KAT8: variants seen among roughly 807,000 people sequenced by gnomAD.
KAT8 encodes the protein lysine acetyltransferase 8, also known as histone acetyltransferase KAT8.
Under a neutral mutation model 62.9 loss-of-function variants are expected in KAT8, and 40 were observed. That is an observed-to-expected ratio of 0.64 (90% confidence interval 0.49 to 0.83). The LOEUF is 0.83. KAT8 is among the 40% of genes least tolerant of loss of function. KAT8 has a pLI of 0.00. For missense variants in KAT8, 387 were observed against 614.8 expected (o/e 0.63, Z 3.92); for synonymous variants, 278 against 254.5 (o/e 1.09, Z -0.88).
chr16:31,130,177 G>A lies in KAT8; in HGVS notation c.912+20G>A, dbSNP rs1003389659. 8.1e-6 allele frequency: 13 copies of A among 1,611,332 alleles called. No individual in the cohort carries two copies. Among genetic ancestry groups the A allele is most frequent in the Non-Finnish European group, 1.1e-5 (13 of 1,177,968 alleles). ...TCCAAGGTGCTGGGTCTGGAAACTCGGGGTGGGGAGGGTGGGGAGGGCGAA... is the reference window on the plus strand; with the variant it reads ...TCCAAGGTGCTGGGTCTGGAAACTCAGGGTGGGGAGGGTGGGGAGGGCGAA... On this transcript the variant is annotated intron_variant, in intron 7 of 10. Coordinates refer to ENST00000219797, the MANE Select transcript of KAT8 (RefSeq NM_032188.3).
At position 31,131,224 on chromosome 16, in the gene KAT8, C is replaced by G. The variant is rs370110915; in HGVS notation, c.1342C>G (p.Pro448Ala). 1.2e-4 allele frequency: 190 copies of G among 1,614,022 alleles called. No individual in the cohort carries two copies. Among genetic ancestry groups the G allele is most frequent in the Non-Finnish European group, 1.6e-4 (185 of 1,180,002 alleles). The change falls in exon 11 of 11, where the codon CCC becomes GCC. Residue 448 changes from proline to alanine, a missense_variant. Pro to Ala is a conservative substitution (Grantham distance 27). Around this residue, in one of 6 missense-constraint regions of KAT8, gnomAD observed 75 missense variants for 105.7 expected, o/e 0.71. Transcript: ENST00000219797. The stretch of plus-strand genomic sequence containing the variant: ...CTCCGTCTGCCTCAAGTGGGCACCC[C>G]CCAAGCACAAGCAAGTCAAGCTCTC... ...VDSVCLKWAP[P>A]KHKQVKLSKK
At chr16:31,118,524 C>A (rs1368701884) in intron 1 of KAT8, 1 of 152,274 alleles carries the variant, frequency 6.6e-6, no homozygotes, top group Non-Finnish European at 1.5e-5. Flanking sequence ...TCCTACTCAT[C>A]CTCTTAGCTT....
At chr16:31,127,122 C>T (rs2057537325) in intron 4 of KAT8, 34 bp downstream of exon 4, 1 of 1,614,000 alleles carries the variant, frequency 6.2e-7, no homozygotes, top group East Asian at 2.2e-5. Context: ...TGCAGGTCCC[C>T]CGTCTCCCCT....
chr16:31,120,618 T>G, intron 3 of KAT8, 104 bp downstream of exon 3: 1 of 1,078,074 alleles, frequency 9.3e-7, no homozygotes, highest in Non-Finnish European at 1.3e-6. Context: ...ATCCCATTTC[T>G]TAAGCTCCTG....
At chr16:31,127,421 T>G in intron 5 of KAT8, 68 bp downstream of exon 5, 1 of 1,544,976 alleles carries the variant, frequency 6.5e-7, no homozygotes, top group Admixed American at 1.7e-5. Flanking sequence ...GCATGGAGAC[T>G]GAGGGCGGCT....
chr16:31,128,505 A>T (rs2143989681), intron 6 of KAT8, among the ~76,000 whole-genome samples: 1 of 152,064 alleles, frequency 6.6e-6, no homozygotes, highest in Middle Eastern at 3.4e-3. Flanking sequence ...AGATTGTGCC[A>T]CTGTACTCCA....
chr16:31,117,703 G>T lies in KAT8; in HGVS notation c.22G>T (p.Ala8Ser). MAAQGAA[A>S]AVAAGTSGVA... ...CGCGATGGCGGCACAGGGAGCTGCT[G>T]CGGCGGTTGCGGCGGGGACTTCAGG... Residue 8 changes from alanine to serine, a missense_variant, in exon 1 of 11, where the codon GCG becomes TCG. Physicochemically the swap from Ala to Ser is moderately conservative, Grantham distance 99 (BLOSUM62 1). This residue lies in a region of KAT8 where 92 missense variants were observed against 78.8 expected (regional missense o/e 1.17). Coordinates refer to ENST00000219797, the MANE Select transcript of KAT8 (RefSeq NM_032188.3). 1 of 1,398,608 alleles carries T rather than the reference G, an allele frequency of 7.1e-7. No individual in the cohort carries two copies. The highest frequency in any genetic ancestry group is 9.3e-7 in the Non-Finnish European group (1 of 1,071,528). 86.6% of individuals were successfully genotyped at this position (1,398,608 alleles called of 1,614,324 possible).
chr16:31,122,704 C>T (rs560518150), intron 3 of KAT8: 6 of 151,472 alleles, frequency 4.0e-5, no homozygotes, highest in African/African-American at 1.2e-4. Flanking sequence ...ATGGTGAAAC[C>T]CCATCTCTAC....
chr16:31,126,889 C>T (rs1305554332), intron 3 of KAT8, 146 bp from the exon 4 acceptor site: 1 of 810,968 alleles, frequency 1.2e-6, no homozygotes, highest in Non-Finnish European at 2.0e-6. Flanking sequence ...AGAACCAAGT[C>T]AGATAGGTTA....
chr16:31,129,454 G>A (rs1210825195), intron 6 of KAT8, among the ~76,000 whole-genome samples: 6 of 152,174 alleles, frequency 3.9e-5, no homozygotes, highest in Non-Finnish European at 8.8e-5. Context: ...TGCTGGGCTC[G>A]CACAGCTGCC....
At chr16:31,126,219 A>G (rs966597211) in intron 3 of KAT8, 6 of 152,332 alleles carry the variant, frequency 3.9e-5, no homozygotes, top group Admixed American at 2.0e-4. Context: ...AGAAGCATGA[A>G]GGCCGCTAAA....
chr16:31,125,669 G>A (rs1194393169), intron 3 of KAT8: 3 of 151,868 alleles, frequency 2.0e-5, no homozygotes, highest in Non-Finnish European at 4.4e-5. Context: ...ATTAAATGAG[G>A]CCATATAAAC....
intron 6 of KAT8, 66 bp from the exon 7 acceptor site, chr16:31,129,951 G>C (rs970019813): frequency 6.3e-7 from 1 of 1,578,414 alleles, no homozygotes. Context: ...GGTGCCGGCC[G>C]CTGGAACCAG....
chr16:31,131,083 C>G, intron 10 of KAT8, 112 bp from the exon 11 acceptor site: 4 of 1,531,394 alleles, frequency 2.6e-6, no homozygotes, highest in Non-Finnish European at 2.6e-6. Context: ...ACAGCCTGCC[C>G]TTTTGTTCTC....
rs1312990555 is a variant in KAT8, at chr16:31,130,022, C to T, written c.777C>T (p.Tyr259=). ...TCCCCCCTCCTCAACCCTAGATTTACTGTCAGAACCTGTGTCTGCTGGCCA... is the reference window on the plus strand; with the variant it reads ...TCCCCCCTCCTCAACCCTAGATTTATTGTCAGAACCTGTGTCTGCTGGCCA... The part of the protein sequence containing the change: ...YEVDGKDHKI[Y]CQNLCLLAKL... Residue 259 remains tyrosine (Y), a synonymous_variant, in exon 7 of 11, where the codon TAC becomes TAT. Transcript: ENST00000219797. The T allele has an allele frequency of 1.2e-6, 2 of 1,614,072 alleles. No individual in the cohort carries two copies. The highest frequency in any genetic ancestry group is 1.3e-5 in the African/African-American group (1 of 74,942).
At chr16:31,120,034 C>T (rs950946757) in intron 1 of KAT8, 152 bp from the exon 2 acceptor site, 1 of 664,440 alleles carries the variant, frequency 1.5e-6, no homozygotes, top group Non-Finnish European at 2.7e-6. Context: ...ATCCACCTCA[C>T]AGTTGTGGCA....
chr16:31,121,289 T>G (rs1360274283), intron 3 of KAT8, among the ~76,000 whole-genome samples: 2 of 151,786 alleles, frequency 1.3e-5, no homozygotes, highest in East Asian at 3.9e-4. Context: ...CCCGGATAAT[T>G]TTTGTATTTT....
In KAT8 at chr16:31,127,215, G is replaced by C. The variant is rs2057538160; in HGVS notation, c.543G>C (p.Lys181Asn). 1 of 1,614,214 alleles carries C rather than the reference G, an allele frequency of 6.2e-7. No individual in the cohort carries two copies. Among genetic ancestry groups the C allele is most frequent in the Non-Finnish European group, 8.5e-7 (1 of 1,180,024 alleles). The part of the protein sequence containing the change: ...EAITKVKYVD[K>N]IHIGNYEIDA... ...TCACCAAGGTGAAGTATGTGGACAA[G>C]ATCCACATCGGGAACTACGAAATTG... Residue 181 changes from lysine (K) to asparagine (N), a missense_variant, in exon 5 of 11, where the codon AAG (lysine) becomes AAC (asparagine). By Grantham distance (94) the Lys-to-Asn change is moderately conservative (BLOSUM62 0). This residue lies in a region of KAT8 where 141 missense variants were observed against 222.5 expected (regional missense o/e 0.63). Coordinates refer to ENST00000219797, the MANE Select transcript of KAT8 (RefSeq NM_032188.3).
Position 31,120,325 on chromosome 16 carries a change from G to A in KAT8, c.287-14G>A, listed in dbSNP as rs757931473. On this transcript the variant is annotated splice_polypyrimidine_tract_variant and intron_variant, in intron 2 of 10. Coordinates refer to ENST00000219797, the MANE Select transcript of KAT8 (RefSeq NM_032188.3). The stretch of plus-strand genomic sequence containing the variant: ...TGGCTGCCCTGGCAGCACTCTTATG[G>A]CCCATACTTACAGTTAACCGGCGGC... 4 of 1,613,954 alleles carry A rather than the reference G, an allele frequency of 2.5e-6. No homozygotes were observed. Among genetic ancestry groups the A allele is most frequent in the Non-Finnish European group, 3.4e-6 (4 of 1,179,944 alleles).
Sources: allele counts gnomAD v4.1 joint callset (sites outside exome capture counted in the v4.1 genomes callset), GRCh38; gene constraint gnomAD v4.1.1; regional missense constraint gnomAD v4.1.1; transcripts MANE v1.5; gene names NCBI Gene and HGNC (gene_info 2026-07-23, HGNC 2026-07-21).